Variants in BCL2L11 observed in about 807,000 individuals in gnomAD.
BCL2L11 encodes bcl-2-like protein 11.
A neutral mutation model predicts 20.6 loss-of-function variants in BCL2L11; 15 were observed. That is an observed-to-expected ratio of 0.73 (90% CI 0.49 to 1.12). BCL2L11 has a LOEUF of 1.12. BCL2L11 is among the 50% of genes most tolerant of loss of function. The pLI is 0.00. For missense variants in BCL2L11, 292 were observed against 260.9 expected (o/e 1.12, Z -0.82); for synonymous variants, 108 against 92.8 (o/e 1.16, Z -0.94).
chr2:111,123,418 C>A (rs2150136461), intron 1 of BCL2L11: 11 of 985,488 alleles, frequency 1.1e-5, no homozygotes, highest in Middle Eastern at 5.2e-4. Context: ...TCGAAGAAGT[C>A]TGTCCTGGGC....
At chr2:111,145,765 C>T (rs1012859765) in intron 2 of BCL2L11, among the ~76,000 whole-genome samples, 8 of 152,142 alleles carry the variant, frequency 5.3e-5, no homozygotes, top group African/African-American at 1.2e-4. Flanking sequence ...ATTAAGAATA[C>T]TTCATGGTAT....
At chr2:111,124,432 A>G (rs542389515) in intron 2 of BCL2L11, among the ~76,000 whole-genome samples, 4 of 152,162 alleles carry the variant, frequency 2.6e-5, no homozygotes, top group Admixed American at 2.6e-4. Context: ...CTGGGACTAC[A>G]GGCGCGTGCC....
chr2:111,135,120 T>C (rs1216055367), intron 2 of BCL2L11, among the ~76,000 whole-genome samples: 1 of 152,206 alleles, frequency 6.6e-6, no homozygotes, highest in Non-Finnish European at 1.5e-5. Flanking sequence ...GGAACTCTGA[T>C]GATAAGAATG....
rs886785382 is a variant in BCL2L11 at position 111,122,548 on chromosome 2, C to T, written c.-13-1185C>T. On this transcript the variant is annotated intron_variant, in intron 1 of 3. Coordinates refer to ENST00000393256, the MANE Select transcript of BCL2L11 (RefSeq NM_138621.5). Reference sequence around the variant, plus strand: ...GGCTGCGGCGCGGAGCGACCGCGCGCGGACCAATTGGGAACGCGGGCACCC... The same window carrying T: ...GGCTGCGGCGCGGAGCGACCGCGCGTGGACCAATTGGGAACGCGGGCACCC... The T allele has an allele frequency of 5.3e-6, 5 of 940,772 alleles. No homozygotes were observed. In the African/African-American group the frequency reaches 5.3e-5, roughly 10 times the overall value. 58.3% of individuals were successfully genotyped at this position (940,772 alleles called of 1,614,324 possible).
At chr2:111,162,095 C>T (rs2078632274) in intron 3 of BCL2L11, among the ~76,000 whole-genome samples, 1 of 152,204 alleles carries the variant, frequency 6.6e-6, no homozygotes, top group African/African-American at 2.4e-5. Flanking sequence ...GTAGGGGCTG[C>T]CCATCCTCCA....
At chr2:111,143,830 G>A (rs1209391555) in intron 2 of BCL2L11, among the ~76,000 whole-genome samples, 1 of 152,124 alleles carries the variant, frequency 6.6e-6, no homozygotes, top group Non-Finnish European at 1.5e-5. Context: ...TGGATAATTA[G>A]TTTTTCTGAT....
chr2:111,134,842 G>C, intron 2 of BCL2L11, among the ~76,000 whole-genome samples: 1 of 152,082 alleles, frequency 6.6e-6, no homozygotes, highest in Non-Finnish European at 1.5e-5. Context: ...ACTTTCTTAG[G>C]GCCTCTATGG....
intron 3 of BCL2L11, 152 bp from the exon 4 acceptor site, chr2:111,163,981 G>A (rs2078888974): frequency 1.7e-6 from 1 of 581,714 alleles, no homozygotes; most frequent in African/African-American, 1.9e-5. Flanking sequence ...CACAATCTCT[G>A]GGAGGCATCG....
rs1411777551 is a variant in BCL2L11, at chr2:111,165,113, T to C, written c.*882T>C. The C allele has an allele frequency of 1.3e-5, 2 of 152,214 alleles. No homozygotes were observed. The highest frequency in any genetic ancestry group is 2.9e-5 in the Non-Finnish European group (2 of 68,038). The allele number at this position is 152,214 out of a possible 1,614,324, so 9.4% of individuals were successfully genotyped here. A position where few individuals can be genotyped will look rare whatever the true frequency, so the allele number is the denominator to read the frequency against. ...GCGATCTGTTATTAACTGGGAAGCATTTGGTGTTGGTTTTCATTCCATTTC... is the reference window on the plus strand; with the variant it reads ...GCGATCTGTTATTAACTGGGAAGCACTTGGTGTTGGTTTTCATTCCATTTC... On this transcript the variant is annotated 3_prime_UTR_variant, in exon 4 of 4. Coordinates refer to ENST00000393256, the MANE Select transcript of BCL2L11 (RefSeq NM_138621.5).
chr2:111,127,402 T>C (rs537553505), intron 2 of BCL2L11, among the ~76,000 whole-genome samples: 3 of 151,408 alleles, frequency 2.0e-5, no homozygotes, highest in African/African-American at 7.3e-5. Flanking sequence ...AATTCACAGA[T>C]GGGAGTTAAT....
intron 2 of BCL2L11, among the ~76,000 whole-genome samples, chr2:111,139,521 T>G (rs1023088207): frequency 6.6e-6 from 1 of 152,252 alleles, no homozygotes; most frequent in Non-Finnish European, 1.5e-5. Context: ...CAACTGCGTT[T>G]TCCTTCTTTT....
chr2:111,137,150 A>G (rs1436743342), intron 2 of BCL2L11, among the ~76,000 whole-genome samples: 7 of 152,196 alleles, frequency 4.6e-5, no homozygotes, highest in Non-Finnish European at 1.0e-4. Flanking sequence ...TACTTGTAGT[A>G]GGTTTAGAGA....
chr2:111,123,929 GGCCCGCTGGCCCCACCT>G lies in BCL2L11; in HGVS notation c.188_204del (p.Pro63GlnfsTer32). On this transcript the variant is annotated frameshift_variant, in exon 2 of 4. Coordinates refer to ENST00000393256, the MANE Select transcript of BCL2L11 (RefSeq NM_138621.5). LOFTEE classifies it high-confidence loss of function. ...CAGCTGCCCCCACGGCAGCCCTCAG[GGCCCGCTGGCCCCACCT>G]GCCAGCCCTGGCCCTTTTGCTACCA... 6.2e-7 allele frequency: 1 copy of G among 1,613,918 alleles called. No individual in the cohort carries two copies. The highest frequency in any genetic ancestry group is 8.5e-7 in the Non-Finnish European group (1 of 1,179,884).
rs2150618093 is a variant in BCL2L11 at position 111,165,824 on chromosome 2, G to C, written c.*1593G>C. ...AATGAGTAAGCAGTGCCACCAACTA[G>C]TGTTTTGCCCGATAGAAGAGCCAGC... On this transcript the variant is annotated 3_prime_UTR_variant, in exon 4 of 4. Coordinates refer to ENST00000393256, the MANE Select transcript of BCL2L11 (RefSeq NM_138621.5). 6.6e-6 allele frequency: 1 copy of C among 152,238 alleles called. No individual in the cohort carries two copies. The highest frequency in any genetic ancestry group is 2.1e-4 in the South Asian group (1 of 4,822). 9.4% of individuals were successfully genotyped at this position (152,238 alleles called of 1,614,324 possible).
At chr2:111,134,312 T>C (rs141047762) in intron 2 of BCL2L11, among the ~76,000 whole-genome samples, 60 of 152,310 alleles carry the variant, frequency 3.9e-4, no homozygotes, top group Admixed American at 1.8e-3. Context: ...TTTTAAAATA[T>C]ATTGCTCTGT....
chr2:111,160,777 T>A (rs1346291946), intron 3 of BCL2L11, among the ~76,000 whole-genome samples: 3 of 152,172 alleles, frequency 2.0e-5, no homozygotes, highest in Non-Finnish European at 4.4e-5. Flanking sequence ...TTCACCCAAA[T>A]GAGTTGTTAT....
At chr2:111,153,977 G>T in intron 3 of BCL2L11, 1 of 1,410,916 alleles carries the variant, frequency 7.1e-7, no homozygotes, top group Non-Finnish European at 9.3e-7. Context: ...AACCTGCCGG[G>T]CTGAACGGCC....
At chr2:111,128,834 T>C (rs572920108) in intron 2 of BCL2L11, 31 of 1,444,606 alleles carry the variant, frequency 2.1e-5, no homozygotes, top group Non-Finnish European at 2.7e-5. Flanking sequence ...ATAAAATGTA[T>C]TTTAATATTG....
At chr2:111,155,552 A>G (rs1192927362) in intron 3 of BCL2L11, among the ~76,000 whole-genome samples, 3 of 152,148 alleles carry the variant, frequency 2.0e-5, no homozygotes, top group Admixed American at 6.5e-5. Flanking sequence ...TCTGCAACCA[A>G]CATGCCTCCC....
Sources: allele counts gnomAD v4.1 joint callset (sites outside exome capture counted in the v4.1 genomes callset), GRCh38; gene constraint gnomAD v4.1.1; transcripts MANE v1.5; gene names NCBI Gene and HGNC (gene_info 2026-07-23, HGNC 2026-07-21).